The following FARP1 variants were observed in gnomAD, a reference collection of about 807,000 sequenced individuals.
FARP1 encodes FERM, ARHGEF and pleckstrin domain-containing protein 1.
FARP1 carries 52 observed loss-of-function variants against 128.8 expected under a neutral mutation model. The observed-to-expected ratio is 0.40, with a 90% CI of 0.32 to 0.51. The LOEUF (loss-of-function observed/expected upper bound fraction) is 0.51. Among genes scored for constraint, FARP1 ranks in the 20% least tolerant of loss-of-function variants. The probability of loss-of-function intolerance (pLI) is 0.45; values close to 1 mark genes in which losing one functional copy is unlikely to be tolerated. For missense variants in FARP1, 1,333 were observed against 1,367.9 expected (o/e 0.97, Z 0.40); for synonymous variants, 580 against 551.8 (o/e 1.05, Z -0.72).
intron 6 of FARP1, among the ~76,000 whole-genome samples, chr13:98,381,092 T>G (rs904218645): frequency 2.6e-5 from 4 of 152,096 alleles, no homozygotes; most frequent in Non-Finnish European, 5.9e-5. Context: ...GGCAAATAGA[T>G]GGGATGAGAA....
At chr13:98,178,478 G>A (rs1878267174) in intron 1 of FARP1, among the ~76,000 whole-genome samples, 1 of 152,200 alleles carries the variant, frequency 6.6e-6, no homozygotes, top group Non-Finnish European at 1.5e-5. Context: ...TTACAGGCGT[G>A]AGCCACTGCA....
intron 1 of FARP1, among the ~76,000 whole-genome samples, chr13:98,188,657 C>T (rs1212345443): frequency 6.6e-6 from 1 of 152,154 alleles, no homozygotes; most frequent in Non-Finnish European, 1.5e-5. Flanking sequence ...TGACTGCTTC[C>T]TGGGTTGCCC....
chr13:98,232,880 T>C (rs886116853), intron 2 of FARP1, among the ~76,000 whole-genome samples: 1 of 152,212 alleles, frequency 6.6e-6, no homozygotes, highest in African/African-American at 2.4e-5. Context: ...TCTCTAATGG[T>C]TTCCCTATTG....
At chr13:98,298,720 C>T (rs1799796174) in intron 2 of FARP1, among the ~76,000 whole-genome samples, 4 of 152,066 alleles carry the variant, frequency 2.6e-5, no homozygotes, top group Admixed American at 2.6e-4. Context: ...TAAAAACAGT[C>T]CCTGGCCTTC....
At chr13:98,152,476 C>A (rs1343825169) in intron 1 of FARP1, among the ~76,000 whole-genome samples, 1 of 152,172 alleles carries the variant, frequency 6.6e-6, no homozygotes, top group Admixed American at 6.5e-5. Context: ...CATGTTTTTA[C>A]TAGACCTGAA....
At chr13:98,187,619 A>G (rs1048929390) in intron 1 of FARP1, among the ~76,000 whole-genome samples, 2 of 152,234 alleles carry the variant, frequency 1.3e-5, no homozygotes, top group African/African-American at 2.4e-5. Context: ...AACTTATTCA[A>G]CTTCGTAGGT....
chr13:98,291,273 C>T (rs540597817), intron 2 of FARP1, among the ~76,000 whole-genome samples: 3 of 152,246 alleles, frequency 2.0e-5, no homozygotes, highest in East Asian at 3.9e-4. Flanking sequence ...AATACATTTA[C>T]GATTTGTTTA....
chr13:98,255,782 A>G (rs1188347164), intron 2 of FARP1, among the ~76,000 whole-genome samples: 2 of 152,202 alleles, frequency 1.3e-5, no homozygotes, highest in Non-Finnish European at 2.9e-5. Context: ...TTCCTAGCTC[A>G]TGACTGTGCT....
intron 1 of FARP1, among the ~76,000 whole-genome samples, chr13:98,146,072 C>G (rs1269187587): frequency 6.6e-6 from 1 of 151,826 alleles, no homozygotes; most frequent in Non-Finnish European, 1.5e-5. Context: ...TGATAAACAT[C>G]AGAAAAAAAC....
chr13:98,415,820 C>T (rs1483687975), intron 16 of FARP1, among the ~76,000 whole-genome samples: 1 of 152,246 alleles, frequency 6.6e-6, no homozygotes, highest in Non-Finnish European at 1.5e-5. Flanking sequence ...GATACGGAAG[C>T]GCAGGTTGGC....
At chr13:98,169,364 G>T (rs1221334085) in intron 1 of FARP1, among the ~76,000 whole-genome samples, 1 of 152,154 alleles carries the variant, frequency 6.6e-6, no homozygotes, top group Non-Finnish European at 1.5e-5. Context: ...TGTTTTGGTA[G>T]AACACATACA....
intron 5 of FARP1, among the ~76,000 whole-genome samples, chr13:98,372,089 T>C (rs1489107976): frequency 8.4e-5 from 12 of 143,032 alleles, no homozygotes; most frequent in East Asian, 7.9e-4. Context: ...TTCTTTTTTT[T>C]TTTTTTTTTT....
At chr13:98,177,067 G>A (rs1414581641) in intron 1 of FARP1, 4 of 1,596,646 alleles carry the variant, frequency 2.5e-6, no homozygotes, top group African/African-American at 1.3e-5. Context: ...CGGGGGCTGA[G>A]CCACTGTGTC....
At chr13:98,428,510 A>C (rs1891874369) in intron 17 of FARP1, among the ~76,000 whole-genome samples, 1 of 152,134 alleles carries the variant, frequency 6.6e-6, no homozygotes, top group Non-Finnish European at 1.5e-5. Context: ...TACTTATATG[A>C]TGGCTGGAGT....
chr13:98,382,841 C>A (rs1279548225), intron 6 of FARP1, among the ~76,000 whole-genome samples: 1 of 152,078 alleles, frequency 6.6e-6, no homozygotes, highest in Non-Finnish European at 1.5e-5. Context: ...TTAAAGCAGT[C>A]CCCAGGCGTT....
At position 98,256,957 on chromosome 13, in the gene FARP1, A is replaced by ATATATATATATATATG. The variant is rs1566801092; in HGVS notation, c.171+43559_171+43560insGTATATATATATATAT. Among the ~76,000 whole-genome samples the ATATATATATATATATG allele has an allele frequency of 2.9e-3, 246 of 83,810 alleles. 5 individuals are homozygous for ATATATATATATATATG. Among genetic ancestry groups the ATATATATATATATATG allele is most frequent in the Middle Eastern group, 0.013 (2 of 156 alleles). 55.0% of individuals were successfully genotyped at this position (83,810 alleles called of 152,430 possible). A position where few individuals can be genotyped will look rare whatever the true frequency, so the allele number is the denominator to read the frequency against. On this transcript the variant is annotated intron_variant, in intron 2 of 26. Transcript: ENST00000319562. The stretch of plus-strand genomic sequence containing the variant: ...TCAAAGTATATATGTGGATATATAT[A>ATATATATATATATATG]TATATATATATATATATATATATAT...
chr13:98,275,800 C>T (rs762805790), intron 2 of FARP1, among the ~76,000 whole-genome samples: 16 of 152,126 alleles, frequency 1.1e-4, no homozygotes, highest in Non-Finnish European at 1.9e-4. Context: ...TTGTGACCTC[C>T]TGGTCACTTT....
intron 13 of FARP1, chr13:98,395,691 T>A (rs547576298): frequency 4.6e-4 from 255 of 556,850 alleles, no homozygotes; most frequent in Non-Finnish European, 7.2e-4. Context: ...AGGCTGGGCG[T>A]AGGGCTTCCC....
intron 2 of FARP1, among the ~76,000 whole-genome samples, chr13:98,254,980 C>G (rs1197630246): frequency 6.6e-6 from 1 of 150,380 alleles, no homozygotes; most frequent in Non-Finnish European, 1.5e-5. Context: ...CATTGAAAAA[C>G]AAAGGAAGAA....
Sources: allele counts gnomAD v4.1 joint callset (sites outside exome capture counted in the v4.1 genomes callset), GRCh38; gene constraint gnomAD v4.1.1; transcripts MANE v1.5; gene names NCBI Gene and HGNC (gene_info 2026-07-23, HGNC 2026-07-21).